Variants in AKAP6 observed in about 807,000 individuals in gnomAD.
AKAP6 encodes A-kinase anchor protein 6.
AKAP6 carries 58 observed loss-of-function variants against 188.5 expected under a neutral mutation model. The observed-to-expected ratio is 0.31, with a 90% CI of 0.25 to 0.38. AKAP6 has a LOEUF of 0.38. Among genes scored for constraint, AKAP6 ranks in the 10% least tolerant of loss-of-function variants. The pLI, the probability that AKAP6 is intolerant of heterozygous loss-of-function variation, is 1.00. For synonymous variants in AKAP6, 989 were observed against 998.6 expected, an observed-to-expected ratio of 0.99 and a Z score of 0.18; for missense variants, 2,710 against 2,740.0, an observed-to-expected ratio of 0.99 and a Z score of 0.24.
At chr14:32,421,764 G>C (rs190709434) in intron 1 of AKAP6, among the ~76,000 whole-genome samples, 43 of 152,300 alleles carry the variant, frequency 2.8e-4, no homozygotes, top group African/African-American at 9.9e-4. Context: ...GAATGTCACT[G>C]TAGGGTAATC....
intron 2 of AKAP6, among the ~76,000 whole-genome samples, chr14:32,440,059 GA>G (rs1890519723): frequency 6.6e-6 from 1 of 152,174 alleles, no homozygotes; most frequent in African/African-American, 2.4e-5. Context: ...CAATGAATTA[GA>G]AAAGGATTTC....
At chr14:32,343,054 T>C (rs960828785) in intron 1 of AKAP6, among the ~76,000 whole-genome samples, 1 of 152,196 alleles carries the variant, frequency 6.6e-6, no homozygotes, top group African/African-American at 2.4e-5. Flanking sequence ...AAGACCTTTT[T>C]TCCCCTTGAC....
At chr14:32,605,777 A>G (rs1296365155) in intron 7 of AKAP6, among the ~76,000 whole-genome samples, 1 of 152,200 alleles carries the variant, frequency 6.6e-6, no homozygotes, top group Non-Finnish European at 1.5e-5. Context: ...AGTTATGATC[A>G]TCTATTTCAT....
rs1168308612 is a variant in AKAP6 at position 32,542,650 on chromosome 14, A to G, written c.577-2580A>G. On this transcript the variant is annotated intron_variant, in intron 3 of 13. Transcript: ENST00000280979. ...TGGAAGCTTTCCAGGCAGGGCAAGC[A>G]GCATGTGCCAAGGCCTTGAGGAAGG... is the stretch of plus-strand genomic sequence containing the variant. Among the ~76,000 whole-genome samples the G allele has an allele frequency of 2.0e-5, 3 of 152,220 alleles. No homozygotes were observed. The East Asian group carries it at 5.8e-4, about 29-fold the overall frequency.
chr14:32,810,769 G>A (rs1195192315), intron 12 of AKAP6, among the ~76,000 whole-genome samples: 4 of 152,066 alleles, frequency 2.6e-5, no homozygotes, highest in Non-Finnish European at 2.9e-5. Flanking sequence ...CTTTATGAGA[G>A]GCTATTAAAG....
At chr14:32,399,446 A>C (rs1889006997) in intron 1 of AKAP6, among the ~76,000 whole-genome samples, 2 of 152,196 alleles carry the variant, frequency 1.3e-5, no homozygotes, top group Admixed American at 6.5e-5. Flanking sequence ...GATCAGCAGT[A>C]ATTTAGCTGT....
chr14:32,380,030 T>C (rs140565168), intron 1 of AKAP6, among the ~76,000 whole-genome samples: 1 of 152,330 alleles, frequency 6.6e-6, no homozygotes, highest in African/African-American at 2.4e-5. Flanking sequence ...CTTTACAATG[T>C]TGCAAATTTT....
chr14:32,472,880 T>C (rs1424153675), intron 2 of AKAP6, among the ~76,000 whole-genome samples: 1 of 147,396 alleles, frequency 6.8e-6, no homozygotes, highest in Non-Finnish European at 1.5e-5. Context: ...ATATAATGGC[T>C]GTTTGTATTA....
chr14:32,732,788 T>G (rs1165586573), intron 10 of AKAP6, 188 bp downstream of exon 10: 4 of 676,720 alleles, frequency 5.9e-6, no homozygotes, highest in Non-Finnish European at 9.8e-6. Context: ...TTTTTTTTTT[T>G]CTGAGCTTGT....
intron 7 of AKAP6, among the ~76,000 whole-genome samples, chr14:32,663,867 C>T (rs1000864211): frequency 6.6e-6 from 1 of 152,016 alleles, no homozygotes; most frequent in Admixed American, 6.6e-5. Context: ...TAATACCTAC[C>T]ATTGTGTTGT....
At chr14:32,520,599 G>A (rs1881774960) in intron 2 of AKAP6, among the ~76,000 whole-genome samples, 1 of 152,188 alleles carries the variant, frequency 6.6e-6, no homozygotes, top group Non-Finnish European at 1.5e-5. Flanking sequence ...AAATCTAGAA[G>A]AAATGGATAA....
intron 2 of AKAP6, among the ~76,000 whole-genome samples, chr14:32,483,381 CTTTG>C (rs1460067389): frequency 1.3e-5 from 2 of 151,718 alleles, no homozygotes; most frequent in Non-Finnish European, 2.9e-5. Context: ...TATCTTTTAA[CTTTG>C]TTTATAGCAT....
intron 9 of AKAP6, among the ~76,000 whole-genome samples, chr14:32,717,148 G>A (rs2030255695): frequency 6.9e-6 from 1 of 145,110 alleles, no homozygotes; most frequent in African/African-American, 2.7e-5. Context: ...CCCAGTGAAG[G>A]TGCTTAGGGA....
At chr14:32,338,555 G>A (rs181798559) in intron 1 of AKAP6, among the ~76,000 whole-genome samples, 142 of 152,154 alleles carry the variant, frequency 9.3e-4, no homozygotes, top group Admixed American at 1.6e-3. Context: ...CAGGGAATAG[G>A]CAGTACCATG....
chr14:32,544,421 T>G (rs74041631), intron 3 of AKAP6, among the ~76,000 whole-genome samples: 20,471 of 152,182 alleles, frequency 0.13, 1,636 homozygotes, highest in African/African-American at 0.21. Flanking sequence ...AATTAAAGAT[T>G]TAACAAATTA....
Position 32,821,407 on chromosome 14 carries a change from T to C in AKAP6, c.3594T>C (p.Thr1198=). ...TTTTTCTTTCTCTCACACAGGAGAC[T>C]TTGAATGTGATTGATCCTGGCTTGA... is the stretch of plus-strand genomic sequence containing the variant. ...LQKKMGKESE[T]LNVIDPGLMD... Residue 1198 remains threonine (T), a synonymous_variant, in exon 13 of 14, where the codon ACT becomes ACC. Coordinates refer to ENST00000280979, the MANE Select transcript of AKAP6 (RefSeq NM_004274.5). The C allele has an allele frequency of 2.5e-6, 4 of 1,601,754 alleles. No homozygotes were observed. Among genetic ancestry groups the C allele is most frequent in the Non-Finnish European group, 3.4e-6 (4 of 1,173,384 alleles).
At chr14:32,469,875 A>G (rs1489625522) in intron 2 of AKAP6, among the ~76,000 whole-genome samples, 1 of 152,172 alleles carries the variant, frequency 6.6e-6, no homozygotes, top group African/African-American at 2.4e-5. Flanking sequence ...TGACATGCAT[A>G]TATGACATAT....
intron 7 of AKAP6, among the ~76,000 whole-genome samples, chr14:32,674,803 T>C (rs941997610): frequency 1.3e-5 from 2 of 152,152 alleles, no homozygotes; most frequent in Non-Finnish European, 2.9e-5. Flanking sequence ...TTAGTTGGCA[T>C]TTAAAGCCAT....
chr14:32,822,060 A>AG lies in AKAP6; in HGVS notation c.4252dup (p.Glu1418GlyfsTer4), dbSNP rs1566736032. The AG allele has an allele frequency of 2.5e-6, 4 of 1,613,940 alleles. No homozygotes were observed. Among genetic ancestry groups the AG allele is most frequent in the Non-Finnish European group, 3.4e-6 (4 of 1,179,950 alleles). ...GTGTTAAAGCAAAAATTTACAGATG[A>AG]GGGGGAAAGCATTAAGCTTCCAAAT... On this transcript the variant is annotated frameshift_variant, in exon 13 of 14. Coordinates refer to ENST00000280979, the MANE Select transcript of AKAP6 (RefSeq NM_004274.5). LOFTEE classifies it high-confidence loss of function.
Sources: gnomAD v4.1 joint callset for allele counts (sites outside exome capture counted in the v4.1 genomes callset) on GRCh38, gnomAD v4.1.1 for gene constraint, MANE v1.5 for transcripts, NCBI Gene and HGNC (gene_info 2026-07-23, HGNC 2026-07-21) for gene names.